GOLGA7: variants seen among roughly 807,000 people sequenced by gnomAD.
The protein encoded by GOLGA7 is golgin A7.
Under a neutral mutation model 21.1 loss-of-function variants are expected in GOLGA7, and 10 were observed. The observed-to-expected ratio is 0.47, with a 90% CI of 0.29 to 0.80. GOLGA7 has a LOEUF of 0.80. Ranked by LOEUF, GOLGA7 falls within the 30% of genes least tolerant of loss-of-function variation. GOLGA7 has a pLI of 0.08. For synonymous variants in GOLGA7, 64 were observed against 62.6 expected (o/e 1.02, Z -0.10); for missense variants, 114 against 166.8 (o/e 0.68, Z 1.74).
At chr8:41,494,863 A>G (rs892088171) in intron 1 of GOLGA7, among the ~76,000 whole-genome samples, 2 of 152,128 alleles carry the variant, frequency 1.3e-5, no homozygotes, top group East Asian at 1.9e-4. Flanking sequence ...AATGACTACA[A>G]CTGCTTCTAA....
rs1360562531 is a variant in GOLGA7 at position 41,506,119 on chromosome 8, TA to T, written c.366+108del. The T allele has an allele frequency of 9.8e-5, 59 of 601,274 alleles. No homozygotes were observed. The South Asian group carries it at 9.8e-4, about 10-fold the overall frequency. The allele number at this position is 601,274 out of a possible 1,614,324, so 37.2% of individuals were successfully genotyped here. ...TTTAACTCTCATCCTGTATTTGCCC[TA>T]GGTAGTTTCTGTGTGAATTGCATAC... is the stretch of plus-strand genomic sequence containing the variant. On this transcript the variant is annotated intron_variant, in intron 3 of 4. Transcript: ENST00000357743.
chr8:41,508,675 G>C (rs1806348467), intron 4 of GOLGA7, among the ~76,000 whole-genome samples: 2 of 152,218 alleles, frequency 1.3e-5, no homozygotes. Context: ...ACACACCAGA[G>C]GCTAATCTAT....
At chr8:41,508,841 T>TA (rs1485315709) in intron 4 of GOLGA7, among the ~76,000 whole-genome samples, 7 of 152,232 alleles carry the variant, frequency 4.6e-5, no homozygotes, top group African/African-American at 1.7e-4. Context: ...GCTGAGATCT[T>TA]AGAGAAGGGG....
chr8:41,505,618 T>C (rs568004164), intron 2 of GOLGA7, among the ~76,000 whole-genome samples: 3 of 152,198 alleles, frequency 2.0e-5, no homozygotes, highest in Admixed American at 1.3e-4. Flanking sequence ...ATATGCAGGA[T>C]TGAGGTGACT....
rs1403416546 is a variant in GOLGA7, at chr8:41,490,702, G to T, written c.-153G>T. The T allele has an allele frequency of 5.1e-6, 3 of 590,634 alleles. No individual in the cohort carries two copies. Among genetic ancestry groups the T allele is most frequent in the Non-Finnish European group, 9.1e-6 (3 of 331,178 alleles). 36.6% of individuals were successfully genotyped at this position (590,634 alleles called of 1,614,324 possible). A position where few individuals can be genotyped will look rare whatever the true frequency, so the allele number is the denominator to read the frequency against. On this transcript the variant is annotated 5_prime_UTR_variant, in exon 1 of 5. Transcript: ENST00000357743. ...GCTAAGGCCCGCGGTGACAGCATGG[G>T]TGAAGGGGAGCGGGGCAGAGGAGGC...
intron 2 of GOLGA7, among the ~76,000 whole-genome samples, chr8:41,500,128 G>A (rs1182172070): frequency 1.3e-5 from 2 of 152,208 alleles, no homozygotes; most frequent in East Asian, 1.9e-4. Flanking sequence ...GGAACAGGGC[G>A]AACATGGTTG....
At chr8:41,503,251 A>G (rs898519330) in intron 2 of GOLGA7, among the ~76,000 whole-genome samples, 1 of 145,988 alleles carries the variant, frequency 6.8e-6, no homozygotes, top group African/African-American at 2.5e-5. Flanking sequence ...CCACTTTTTG[A>G]TGGGGTTGTT....
upstream of GOLGA7, chr8:41,490,399 G>C (rs1805848658): frequency 6.5e-6 from 1 of 154,472 alleles, no homozygotes; most frequent in African/African-American, 2.4e-5. Context: ...CGCGCGGGCG[G>C]AAGGCGGGGT....
At chr8:41,506,200 A>G (rs1437507376) in intron 3 of GOLGA7, among the ~76,000 whole-genome samples, 188 bp downstream of exon 3, 1 of 150,548 alleles carries the variant, frequency 6.6e-6, no homozygotes, top group Non-Finnish European at 1.5e-5. Context: ...CCCTCCTTCC[A>G]TTGCATGGTG....
At chr8:41,504,977 A>C (rs1335597104) in intron 2 of GOLGA7, among the ~76,000 whole-genome samples, 1 of 152,230 alleles carries the variant, frequency 6.6e-6, no homozygotes, top group Middle Eastern at 3.2e-3. Flanking sequence ...AATTTAAGGA[A>C]ATATATAGTA....
At chr8:41,497,792 TC>T in intron 2 of GOLGA7, 131 bp downstream of exon 2, 1 of 602,358 alleles carries the variant, frequency 1.7e-6, no homozygotes, top group South Asian at 2.0e-5. Flanking sequence ...ATTGTGTTGT[TC>T]CTGTGTACAG....
intron 3 of GOLGA7, among the ~76,000 whole-genome samples, chr8:41,506,601 T>G (rs1020953464): frequency 6.6e-6 from 1 of 152,164 alleles, no homozygotes; most frequent in Non-Finnish European, 1.5e-5. Flanking sequence ...CTAGGTCACA[T>G]AATCCCAGGC....
chr8:41,490,707 G>A lies in GOLGA7; in HGVS notation c.-148G>A, dbSNP rs955535460. ...GGCCCGCGGTGACAGCATGGGTGAA[G>A]GGGAGCGGGGCAGAGGAGGCCTTGG... On this transcript the variant is annotated 5_prime_UTR_variant, in exon 1 of 5. Transcript: ENST00000357743. 1.7e-5 allele frequency: 10 copies of A among 592,298 alleles called. No individual in the cohort carries two copies. Among genetic ancestry groups the A allele is most frequent in the Admixed American group, 3.0e-5 (1 of 33,424 alleles). 36.7% of individuals were successfully genotyped at this position (592,298 alleles called of 1,614,324 possible). A position where few individuals can be genotyped will look rare whatever the true frequency, so the allele number is the denominator to read the frequency against.
chr8:41,505,691 A>G, intron 2 of GOLGA7: 2 of 423,936 alleles, frequency 4.7e-6, no homozygotes, highest in Non-Finnish European at 8.4e-6. Context: ...ATTTATTTAC[A>G]TTGTGTCGAA....
chr8:41,497,801 C>T, intron 2 of GOLGA7, 140 bp downstream of exon 2: 1 of 579,148 alleles, frequency 1.7e-6, no homozygotes, highest in South Asian at 2.2e-5. Context: ...TTCCTGTGTA[C>T]AGAGGCACAT....
intron 1 of GOLGA7, among the ~76,000 whole-genome samples, chr8:41,493,775 A>G (rs1273315101): frequency 6.6e-6 from 1 of 152,104 alleles, no homozygotes; most frequent in Non-Finnish European, 1.5e-5. Context: ...TTCTCTTTCC[A>G]TTCTGATTTT....
At chr8:41,492,862 G>A (rs1158439421) in intron 1 of GOLGA7, among the ~76,000 whole-genome samples, 1 of 152,192 alleles carries the variant, frequency 6.6e-6, no homozygotes, top group African/African-American at 2.4e-5. Context: ...ATATATTTGA[G>A]CTAAATGTGT....
intron 2 of GOLGA7, among the ~76,000 whole-genome samples, chr8:41,501,783 A>G (rs536189166): frequency 6.6e-6 from 1 of 152,342 alleles, no homozygotes; most frequent in East Asian, 1.9e-4. Context: ...AAGTATAAGT[A>G]ATCTTTTAGC....
chr8:41,505,783 TCCA>T, intron 2 of GOLGA7, 125 bp from the exon 3 acceptor site: 1 of 568,090 alleles, frequency 1.8e-6, no homozygotes. Context: ...ACAGCTGTAT[TCCA>T]CCATATGAAT....
Sources: gnomAD v4.1 joint callset for allele counts (sites outside exome capture counted in the v4.1 genomes callset) on GRCh38, gnomAD v4.1.1 for gene constraint, MANE v1.5 for transcripts, NCBI Gene and HGNC (gene_info 2026-07-23, HGNC 2026-07-21) for gene names.